ERI1: variants seen among roughly 807,000 people sequenced by gnomAD.
The protein encoded by ERI1 is 3'-5' exoribonuclease 1.
ERI1 carries 39 observed loss-of-function variants against 39.7 expected under a neutral mutation model. The observed-to-expected ratio is 0.98, with a 90% CI of 0.76 to 1.28. The LOEUF (loss-of-function observed/expected upper bound fraction) is 1.28, where lower values mean the gene tolerates loss of function less well. ERI1 is among the 50% of genes most tolerant of loss of function. ERI1 has a pLI of 0.00. For synonymous variants in ERI1, 204 were observed against 149.6 expected, an observed-to-expected ratio of 1.36 and a Z score of -2.65; for missense variants, 581 against 416.9, an observed-to-expected ratio of 1.39 and a Z score of -3.43.
At position 9,030,503 on chromosome 8, in the gene ERI1, T is replaced by C. The variant is rs1194565575; in HGVS notation, c.*469T>C. ...AAGAATATCATAGTCCTTTTGATTT[T>C]CAAAGTTTATATGTGAAGTTCACCA... On this transcript the variant is annotated 3_prime_UTR_variant, in exon 7 of 7. Transcript: ENST00000250263. 2 of 161,178 alleles carry C rather than the reference T, an allele frequency of 1.2e-5. No homozygotes were observed. Among genetic ancestry groups the C allele is most frequent in the Non-Finnish European group, 2.8e-5 (2 of 72,112 alleles). The allele number at this position is 161,178 out of a possible 1,614,324, so 10.0% of individuals were successfully genotyped here.
downstream of ERI1, among the ~76,000 whole-genome samples, chr8:9,036,084 GAT>G (rs1797835949): frequency 6.6e-6 from 1 of 152,210 alleles, no homozygotes; most frequent in Non-Finnish European, 1.5e-5. Flanking sequence ...CAAAGAAAGT[GAT>G]TTCTTGAGAT....
At chr8:9,003,908 C>G (rs1255455198) in intron 1 of ERI1, among the ~76,000 whole-genome samples, 1 of 152,194 alleles carries the variant, frequency 6.6e-6, no homozygotes, top group Non-Finnish European at 1.5e-5. Context: ...ACTCTTGCTC[C>G]TTCCGTCCAC....
rs972543063 is a variant in ERI1, at chr8:9,029,809, C to T, written c.825C>T (p.Thr275=). 1.2e-6 allele frequency: 2 copies of T among 1,614,060 alleles called. No individual in the cohort carries two copies. Among genetic ancestry groups the T allele is most frequent in the Non-Finnish European group, 1.7e-6 (2 of 1,179,992 alleles). Residue 275 remains threonine, a synonymous_variant, in exon 7 of 7, where the codon ACC becomes ACT. Transcript: ENST00000250263. The part of the protein sequence containing the change: ...GNFYKVPRSQ[T]KLTIMLEKLG... Reference sequence around the variant, plus strand: ...TTTTTCAGGTTCCTAGAAGCCAAACCAAACTGACAATAATGCTTGAAAAAT... The same window carrying T: ...TTTTTCAGGTTCCTAGAAGCCAAACTAAACTGACAATAATGCTTGAAAAAT...
At chr8:9,008,252 G>C in intron 2 of ERI1, 104 bp downstream of exon 2, 9 of 1,014,588 alleles carry the variant, frequency 8.9e-6, no homozygotes, top group Non-Finnish European at 1.3e-5. Flanking sequence ...CTACCGTAAT[G>C]ACATGATCCT....
At chr8:9,059,395 T>G (rs1199086403) in intron 3 of ERI1, among the ~76,000 whole-genome samples, 1 of 151,832 alleles carries the variant, frequency 6.6e-6, no homozygotes, top group Non-Finnish European at 1.5e-5. Flanking sequence ...TGGGGGTGGT[T>G]TGGAGAGATA....
At chr8:9,010,559 A>G (rs1365017837) in intron 2 of ERI1, among the ~76,000 whole-genome samples, 2 of 152,366 alleles carry the variant, frequency 1.3e-5, no homozygotes, top group East Asian at 3.9e-4. Context: ...GGAAAATAAA[A>G]GACTAAAAAG....
chr8:9,012,151 TGCGGTCAG>T (rs1340294657), intron 3 of ERI1, among the ~76,000 whole-genome samples: 1 of 152,222 alleles, frequency 6.6e-6, no homozygotes, highest in African/African-American at 2.4e-5. Context: ...GGTTTTAATA[TGCGGTCAG>T]GCTTGATAAC....
At chr8:9,072,237 C>T (rs536835473) in intron 3 of ERI1, among the ~76,000 whole-genome samples, 8 of 152,226 alleles carry the variant, frequency 5.3e-5, no homozygotes, top group South Asian at 2.1e-4. Context: ...GTGAGGTTGC[C>T]GTGTTGAGTC....
chr8:9,021,744 A>G (rs552524036), intron 6 of ERI1, among the ~76,000 whole-genome samples: 1 of 140,920 alleles, frequency 7.1e-6, no homozygotes, highest in Non-Finnish European at 1.5e-5. Context: ...TATAATTAGT[A>G]TTATACTGGC....
intron 3 of ERI1, among the ~76,000 whole-genome samples, chr8:9,015,725 A>AAG: frequency 6.7e-6 from 1 of 149,108 alleles, no homozygotes; most frequent in African/African-American, 2.5e-5. Context: ...CTGTCTCCAA[A>AAG]AAAAAAAAAA....
chr8:9,064,721 G>A (rs1289393397), intron 3 of ERI1, among the ~76,000 whole-genome samples: 5 of 152,062 alleles, frequency 3.3e-5, no homozygotes, highest in South Asian at 4.1e-4. Context: ...TCTTTTTCAC[G>A]GACCAAAGAG....
chr8:9,021,495 G>C (rs1817887246), intron 6 of ERI1, among the ~76,000 whole-genome samples: 1 of 152,076 alleles, frequency 6.6e-6, no homozygotes, highest in Non-Finnish European at 1.5e-5. Flanking sequence ...TTTCCTTACA[G>C]ACTCTTCTGT....
intron 3 of ERI1, among the ~76,000 whole-genome samples, chr8:9,064,312 C>T (rs909238056): frequency 3.9e-5 from 6 of 151,924 alleles, no homozygotes; most frequent in African/African-American, 1.2e-4. Flanking sequence ...TTGGGGGGTT[C>T]TTGCACCCCA....
rs558192504 is a variant in ERI1, at chr8:9,099,677, G to A, written n.300-16671G>A. 1.9e-4 allele frequency among the ~76,000 whole-genome samples: 28 copies of A among 150,986 alleles called. No homozygotes were observed. In the South Asian group the frequency reaches 5.4e-3, roughly 29 times the overall value. On this transcript the variant is annotated intron_variant and non_coding_transcript_variant, in intron 3 of 3. Transcript: ENST00000518663. Reference sequence around the variant, plus strand: ...GCATACACTATATACTCTTTTTCACGTGGCTTTTGTTCTCTTTACCACTGT... The same window carrying A: ...GCATACACTATATACTCTTTTTCACATGGCTTTTGTTCTCTTTACCACTGT...
chr8:9,070,977 C>T (rs1265861165), intron 3 of ERI1, among the ~76,000 whole-genome samples: 1 of 152,132 alleles, frequency 6.6e-6, no homozygotes, highest in Non-Finnish European at 1.5e-5. Flanking sequence ...TCACTCTGTA[C>T]CCCTGCGGAG....
chr8:9,004,214 A>G, intron 1 of ERI1: 1 of 1,276,978 alleles, frequency 7.8e-7, no homozygotes, highest in Middle Eastern at 2.2e-4. Flanking sequence ...TTCAAAGAGT[A>G]CTTGCACATC....
chr8:9,046,606 C>T (rs1022493987), intron 3 of ERI1, among the ~76,000 whole-genome samples: 8 of 152,232 alleles, frequency 5.3e-5, no homozygotes, highest in African/African-American at 1.7e-4. Context: ...ACACTTTAAA[C>T]ATGCTAGGTA....
downstream of ERI1, among the ~76,000 whole-genome samples, chr8:9,035,111 A>G (rs182447113): frequency 6.6e-6 from 1 of 152,360 alleles, no homozygotes; most frequent in Admixed American, 6.5e-5. Context: ...ATTTAAAGAA[A>G]GAAGCTGTCT....
chr8:9,077,648 G>T (rs917017750), intron 3 of ERI1, among the ~76,000 whole-genome samples: 1 of 152,168 alleles, frequency 6.6e-6, no homozygotes, highest in South Asian at 2.1e-4. Context: ...AGACCTCAGA[G>T]GAATACATTG....
Sources: allele counts gnomAD v4.1 joint callset (sites outside exome capture counted in the v4.1 genomes callset), GRCh38; gene constraint gnomAD v4.1.1; transcripts MANE v1.5; gene names NCBI Gene and HGNC (gene_info 2026-07-23, HGNC 2026-07-21).